AAGAB: variants seen among roughly 807,000 people sequenced by gnomAD.
The protein encoded by AAGAB is alpha- and gamma-adaptin-binding protein p34.
AAGAB carries 38 observed loss-of-function variants against 44.1 expected under a neutral mutation model. The observed-to-expected ratio is 0.86, with a 90% CI of 0.67 to 1.13. The LOEUF (loss-of-function observed/expected upper bound fraction) is 1.13. Among genes scored for constraint, AAGAB ranks in the 50% most tolerant of loss-of-function variants. The pLI is 0.00. For missense variants in AAGAB, 450 were observed against 373.8 expected, an observed-to-expected ratio of 1.20 and a Z score of -1.68; for synonymous variants, 131 against 131.8, an observed-to-expected ratio of 0.99 and a Z score of 0.04.
At chr15:67,230,021 A>AT (rs541197918) in intron 5 of AAGAB, among the ~76,000 whole-genome samples, 4,071 of 142,570 alleles carry the variant, frequency 0.029, 65 homozygotes, top group Non-Finnish European at 0.043. Context: ...TAATTTTTGT[A>AT]TTTTTTTTTT....
At position 67,254,586 on chromosome 15, in the gene AAGAB, C is replaced by CG; in HGVS notation, c.45dup (p.Val16ArgfsTer25). Reference sequence around the variant, plus strand: ...TGGACCAGCTGGTCTCCTGAGAAGACGGAGGAGCAGCTGGTGACTAACGCA... The same window carrying CG: ...TGGACCAGCTGGTCTCCTGAGAAGACGGGAGGAGCAGCTGGTGACTAACGCA... On this transcript the variant is annotated frameshift_variant, in exon 1 of 10. Transcript: ENST00000261880. LOFTEE classifies it high-confidence loss of function. The CG allele has an allele frequency of 6.2e-7, 1 of 1,609,814 alleles. No homozygotes were observed. Among genetic ancestry groups the CG allele is most frequent in the South Asian group, 1.1e-5 (1 of 90,482 alleles).
intron 1 of AAGAB, among the ~76,000 whole-genome samples, chr15:67,252,209 C>T (rs960362741): frequency 6.6e-6 from 1 of 152,174 alleles, no homozygotes; most frequent in South Asian, 2.1e-4. Flanking sequence ...ACCATGTTTG[C>T]CGATTGGGAT....
intron 7 of AAGAB, among the ~76,000 whole-genome samples, chr15:67,207,995 T>A (rs1210381143): frequency 6.6e-6 from 1 of 152,188 alleles, no homozygotes; most frequent in African/African-American, 2.4e-5. Flanking sequence ...ATATCAGTAG[T>A]TCCCCAGCGA....
chr15:67,218,162 T>C (rs1379444313), intron 5 of AAGAB, among the ~76,000 whole-genome samples: 3 of 152,230 alleles, frequency 2.0e-5, no homozygotes, highest in African/African-American at 7.2e-5. Flanking sequence ...GTCACAACTC[T>C]GTAACATTTG....
chr15:67,202,517 A>T lies in AAGAB; in HGVS notation c.*304T>A. ...CAGGAATGGCCTGGAGGTTGTCTTC[A>T]ACTTGAGTAAATCACACAGACCTCT... On this transcript the variant is annotated 3_prime_UTR_variant, in exon 10 of 10. Transcript: ENST00000261880. The T allele has an allele frequency of 3.2e-6, 1 of 308,152 alleles. No homozygotes were observed. The highest frequency in any genetic ancestry group is 7.3e-5 in the South Asian group (1 of 13,654). The allele number at this position is 308,152 out of a possible 1,614,324, so 19.1% of individuals were successfully genotyped here.
upstream of AAGAB, chr15:67,254,736 T>C: frequency 7.3e-7 from 1 of 1,371,062 alleles, no homozygotes; most frequent in African/African-American, 1.4e-5. Flanking sequence ...GTTCTCGGAA[T>C]GACCAGGCTG....
intron 5 of AAGAB, among the ~76,000 whole-genome samples, chr15:67,216,821 C>T (rs1265677142): frequency 6.6e-6 from 1 of 151,526 alleles, no homozygotes; most frequent in East Asian, 1.9e-4. Flanking sequence ...AAAAATAATT[C>T]CAAAGAAAGT....
chr15:67,250,445 G>A (rs909120632), intron 1 of AAGAB, among the ~76,000 whole-genome samples: 1 of 152,098 alleles, frequency 6.6e-6, no homozygotes, highest in Non-Finnish European at 1.5e-5. Flanking sequence ...CCAAAGTGCT[G>A]GGATTACAGG....
At position 67,236,515 on chromosome 15, in the gene AAGAB, C is replaced by T. The variant is rs777892178; in HGVS notation, c.265-11G>A. ...ATCAAGGCCCGATTTCTAGAGGGAA[C>T]AAAAAATATAAACAAACAAAAACAG... On this transcript the variant is annotated splice_polypyrimidine_tract_variant and intron_variant, in intron 2 of 9. Transcript: ENST00000261880. 1.9e-6 allele frequency: 3 copies of T among 1,610,814 alleles called. No homozygotes were observed. In the Admixed American group the frequency reaches 5.0e-5, roughly 27 times the overall value.
intron 1 of AAGAB, among the ~76,000 whole-genome samples, chr15:67,249,699 C>A (rs1406742211): frequency 6.6e-6 from 1 of 152,166 alleles, no homozygotes; most frequent in Non-Finnish European, 1.5e-5. Flanking sequence ...AGTGCCACCA[C>A]CTTAAATTAA....
intron 5 of AAGAB, chr15:67,226,992 G>C (rs1025443736): frequency 9.5e-6 from 2 of 211,320 alleles, no homozygotes; most frequent in African/African-American, 4.7e-5. Flanking sequence ...TGTGTTTTCA[G>C]GGCCATTTGT....
chr15:67,251,092 T>C (rs1277561068), intron 1 of AAGAB, among the ~76,000 whole-genome samples: 1 of 152,164 alleles, frequency 6.6e-6, no homozygotes, highest in Non-Finnish European at 1.5e-5. Flanking sequence ...TTTTATCCGA[T>C]GTCAGACATC....
intron 7 of AAGAB, among the ~76,000 whole-genome samples, chr15:67,207,050 C>T (rs1436207852): frequency 2.0e-5 from 3 of 152,148 alleles, no homozygotes; most frequent in Admixed American, 2.0e-4. Flanking sequence ...ATTAGCTGGG[C>T]GTGGTGGCAC....
chr15:67,254,846 C>T (rs761504906), upstream of AAGAB: 3 of 1,585,106 alleles, frequency 1.9e-6, no homozygotes, highest in Admixed American at 3.4e-5. Flanking sequence ...CTGAAGGTTT[C>T]CGTGCTTGGA....
upstream of AAGAB, chr15:67,254,801 G>A (rs1011747179): frequency 7.1e-7 from 1 of 1,403,292 alleles, no homozygotes; most frequent in Non-Finnish European, 9.9e-7. Context: ...AGGCCAGGTC[G>A]CGCGCGGTGT....
At position 67,248,881 on chromosome 15, in the gene AAGAB, A is replaced by T. The variant is rs183424299; in HGVS notation, c.73+5678T>A. On this transcript the variant is annotated intron_variant, in intron 1 of 9. Coordinates refer to ENST00000261880, the MANE Select transcript of AAGAB (RefSeq NM_024666.5). ...GTGAATTTCAAACACAAAAGGTTAA[A>T]TTTTCTACTCCATAACTAAATTTTC... 4.0e-3 allele frequency among the ~76,000 whole-genome samples: 602 copies of T among 152,260 alleles called. 3 individuals carry two copies. The highest frequency in any genetic ancestry group is 0.012 in the African/African-American group (491 of 41,542).
rs189083055 is a variant in AAGAB, at chr15:67,200,750, T to C, written c.*2071A>G. 9.5e-4 allele frequency among the ~76,000 whole-genome samples: 145 copies of C among 152,376 alleles called. 1 individual carries two copies. The highest frequency in any genetic ancestry group is 3.2e-3 in the African/African-American group (132 of 41,598). On this transcript the variant is annotated 3_prime_UTR_variant, in exon 10 of 10. Transcript: ENST00000261880. Reference sequence around the variant, plus strand: ...ACTTTAGATAGACTGCAGCTATTACTGTAGTGTTAGCTCATGATCACTATT... The same window carrying C: ...ACTTTAGATAGACTGCAGCTATTACCGTAGTGTTAGCTCATGATCACTATT...
chr15:67,245,505 T>C lies in AAGAB; in HGVS notation c.74-8685A>G, dbSNP rs74964736. Among the ~76,000 whole-genome samples the C allele has an allele frequency of 7.0e-3, 1,062 of 152,330 alleles. 4 individuals carry two copies. Among genetic ancestry groups the C allele is most frequent in the Non-Finnish European group, 0.011 (767 of 68,030 alleles). On this transcript the variant is annotated intron_variant, in intron 1 of 9. Transcript: ENST00000261880. The stretch of plus-strand genomic sequence containing the variant: ...GACTGCAAATAGTCACAAAGTTCCT[T>C]CTGGGATGACGGAAATGTTCTACAA...
chr15:67,253,831 C>T (rs528855976), intron 1 of AAGAB, among the ~76,000 whole-genome samples: 8 of 152,226 alleles, frequency 5.3e-5, no homozygotes, highest in South Asian at 2.1e-4. Context: ...AGCTAAGTCA[C>T]TGCTCTGATT....
Sources: allele counts gnomAD v4.1 joint callset (sites outside exome capture counted in the v4.1 genomes callset), GRCh38; gene constraint gnomAD v4.1.1; transcripts MANE v1.5; gene names NCBI Gene and HGNC (gene_info 2026-07-23, HGNC 2026-07-21).